Variants in MYO9A observed in about 807,000 individuals in gnomAD.
The protein encoded by MYO9A is unconventional myosin-IXa.
In MYO9A, 103 loss-of-function variants were observed where a neutral mutation model predicts 293.3. The ratio of observed to expected loss-of-function variants is 0.35; its 90% CI spans 0.30 to 0.41. MYO9A has a LOEUF of 0.41. Ranked by LOEUF, MYO9A falls within the 10% of genes least tolerant of loss-of-function variation. The pLI, the probability that MYO9A is intolerant of heterozygous loss-of-function variation, is 1.00. For synonymous variants in MYO9A, 1,001 were observed against 1,035.7 expected, an observed-to-expected ratio of 0.97 and a Z score of 0.64; for missense variants, 2,685 against 3,033.0, an observed-to-expected ratio of 0.89 and a Z score of 2.69.
intron 39 of MYO9A, among the ~76,000 whole-genome samples, chr15:71,831,923 C>T (rs1341585061): frequency 6.6e-6 from 1 of 151,958 alleles, no homozygotes; most frequent in African/African-American, 2.4e-5. Context: ...GAAATTAGGT[C>T]AAAAGAAAAA....
chr15:72,033,103 G>A (rs538535173), intron 2 of MYO9A, among the ~76,000 whole-genome samples: 5 of 152,040 alleles, frequency 3.3e-5, no homozygotes, highest in Admixed American at 2.0e-4. Context: ...TGCCTGCCTC[G>A]GCCTCCCAAA....
At chr15:72,005,256 C>T (rs1394627713) in intron 8 of MYO9A, among the ~76,000 whole-genome samples, 1 of 152,148 alleles carries the variant, frequency 6.6e-6, no homozygotes, top group African/African-American at 2.4e-5. Flanking sequence ...TGCCATTTGC[C>T]ATTGTCTTTG....
chr15:72,086,577 G>C (rs527639623), intron 1 of MYO9A, among the ~76,000 whole-genome samples: 1 of 151,914 alleles, frequency 6.6e-6, no homozygotes. Flanking sequence ...ACGTGCACAC[G>C]TGCTGGCGAG....
At chr15:72,063,053 C>T (rs2078919486) in intron 1 of MYO9A, among the ~76,000 whole-genome samples, 1 of 152,156 alleles carries the variant, frequency 6.6e-6, no homozygotes, top group African/African-American at 2.4e-5. Flanking sequence ...AGCATAACAA[C>T]AGACGAATGA....
At position 72,050,958 on chromosome 15, in the gene MYO9A, A is replaced by AC. The variant is rs563194739; in HGVS notation, c.-71-4325_-71-4324insG. Among the ~76,000 whole-genome samples the AC allele has an allele frequency of 5.3e-5, 8 of 152,154 alleles. No individual in the cohort carries two copies. In the South Asian group the frequency reaches 1.7e-3, roughly 32 times the overall value. On this transcript the variant is annotated intron_variant, in intron 1 of 41. Transcript: ENST00000356056. Reference sequence around the variant, plus strand: ...TTCTTGAAAGTGTACTCACATAGTTATTTTTCTTGTAGTCTTCCTGATAGT... The same window carrying AC: ...TTCTTGAAAGTGTACTCACATAGTTACTTTTTCTTGTAGTCTTCCTGATAGT...
intron 1 of MYO9A, among the ~76,000 whole-genome samples, chr15:72,069,480 AT>A (rs2079117918): frequency 2.0e-5 from 3 of 152,172 alleles, no homozygotes; most frequent in Admixed American, 2.0e-4. Context: ...TGTTGAATAA[AT>A]ATGTGAAAAA....
chr15:72,092,954 G>T (rs1242580083), intron 1 of MYO9A, among the ~76,000 whole-genome samples: 2 of 149,872 alleles, frequency 1.3e-5, no homozygotes, highest in Admixed American at 1.3e-4. Flanking sequence ...GAGATTTGAG[G>T]CTCTAATTCC....
At chr15:72,041,662 G>A (rs2078229585) in intron 2 of MYO9A, 1 of 217,078 alleles carries the variant, frequency 4.6e-6, no homozygotes, top group Non-Finnish European at 9.5e-6. Context: ...ATGGTGAGCT[G>A]GGGAGATGGT....
chr15:72,073,788 T>C (rs2079264172), intron 1 of MYO9A, among the ~76,000 whole-genome samples: 2 of 152,326 alleles, frequency 1.3e-5, no homozygotes, highest in South Asian at 2.1e-4. Flanking sequence ...ATAAGTATTA[T>C]GTAAATATGG....
chr15:72,067,228 C>T (rs2079048569), intron 1 of MYO9A, among the ~76,000 whole-genome samples: 2 of 150,342 alleles, frequency 1.3e-5, no homozygotes, highest in Admixed American at 6.6e-5. Flanking sequence ...TTATATTTTA[C>T]CATAATCACT....
chr15:71,884,750 T>C (rs1484016278), intron 27 of MYO9A, among the ~76,000 whole-genome samples: 1 of 152,132 alleles, frequency 6.6e-6, no homozygotes, highest in Admixed American at 6.6e-5. Flanking sequence ...TTCATTTGTC[T>C]GTTCAATCAT....
At chr15:71,962,700 C>T (rs965850572) in intron 13 of MYO9A, among the ~76,000 whole-genome samples, 2 of 152,074 alleles carry the variant, frequency 1.3e-5, no homozygotes, top group Non-Finnish European at 2.9e-5. Context: ...GATAAGTAAA[C>T]AGAAAGGTAA....
At chr15:71,956,859 AAATATATAT>A (rs2059213632) in intron 14 of MYO9A, among the ~76,000 whole-genome samples, 1 of 89,286 alleles carries the variant, frequency 1.1e-5, no homozygotes. Context: ...ACACACACAC[AAATATATAT>A]ATATATATAT....
intron 1 of MYO9A, among the ~76,000 whole-genome samples, chr15:72,095,974 C>T (rs1044096150): frequency 2.6e-5 from 4 of 151,890 alleles, no homozygotes; most frequent in African/African-American, 9.7e-5. Flanking sequence ...TGAGACCAAC[C>T]TGGCCAACTT....
chr15:72,050,331 G>A (rs2078519215), intron 1 of MYO9A, among the ~76,000 whole-genome samples: 1 of 151,952 alleles, frequency 6.6e-6, no homozygotes, highest in Admixed American at 6.6e-5. Flanking sequence ...ATTACCAGCC[G>A]GGTGCGGTGG....
intron 1 of MYO9A, among the ~76,000 whole-genome samples, chr15:72,080,416 G>C (rs1414755851): frequency 6.7e-6 from 1 of 150,090 alleles, no homozygotes; most frequent in East Asian, 2.0e-4. Context: ...CATTTACAGA[G>C]AGTGGGAAGT....
chr15:72,026,125 T>C (rs1318394935), intron 4 of MYO9A, among the ~76,000 whole-genome samples: 1 of 151,322 alleles, frequency 6.6e-6, no homozygotes, highest in Non-Finnish European at 1.5e-5. Context: ...TACAAAAAAT[T>C]AGCCAGGCGT....
chr15:72,009,172 T>A (rs2077102531), intron 7 of MYO9A, among the ~76,000 whole-genome samples: 1 of 152,134 alleles, frequency 6.6e-6, no homozygotes, highest in African/African-American at 2.4e-5. Context: ...AAAAACAAAT[T>A]CATGAGCCTC....
chr15:72,098,423 A>T (rs1300505540), intron 1 of MYO9A, among the ~76,000 whole-genome samples: 1 of 152,196 alleles, frequency 6.6e-6, no homozygotes, highest in African/African-American at 2.4e-5. Context: ...TAGATAACTA[A>T]CATACTAAAA....
Sources: gnomAD v4.1 joint callset for allele counts (sites outside exome capture counted in the v4.1 genomes callset) on GRCh38, gnomAD v4.1.1 for gene constraint, MANE v1.5 for transcripts, NCBI Gene and HGNC (gene_info 2026-07-23, HGNC 2026-07-21) for gene names.